HS1BP3: variants seen among roughly 807,000 people sequenced by gnomAD.
The protein encoded by HS1BP3 is HCLS1-binding protein 3.
In HS1BP3, 32 loss-of-function variants were observed where a neutral mutation model predicts 33.5. The ratio of observed to expected loss-of-function variants is 0.95; its 90% CI spans 0.72 to 1.28. The LOEUF (loss-of-function observed/expected upper bound fraction) is 1.28, where lower values mean the gene tolerates loss of function less well. HS1BP3 is among the 50% of genes most tolerant of loss of function. HS1BP3 has a pLI of 0.00. For missense variants in HS1BP3, 486 were observed against 502.3 expected, an observed-to-expected ratio of 0.97 and a Z score of 0.31; for synonymous variants, 187 against 209.2, an observed-to-expected ratio of 0.89 and a Z score of 0.92.
chr2:20,564,303 G>A (rs1462442859), intron 5 of HS1BP3, among the ~76,000 whole-genome samples: 6 of 152,196 alleles, frequency 3.9e-5, no homozygotes, highest in South Asian at 2.1e-4. Flanking sequence ...CTGTGACTCC[G>A]ACAGAGACTC....
intron 5 of HS1BP3, among the ~76,000 whole-genome samples, chr2:20,567,390 C>G (rs759942000): frequency 5.3e-5 from 8 of 152,206 alleles, no homozygotes; most frequent in Non-Finnish European, 1.2e-4. Context: ...GCCAGTCAGA[C>G]GCTGGGGAAT....
intron 5 of HS1BP3, among the ~76,000 whole-genome samples, chr2:20,587,375 G>A (rs1693706768): frequency 6.6e-6 from 1 of 152,148 alleles, no homozygotes; most frequent in African/African-American, 2.4e-5. Context: ...CATCAACCAC[G>A]CCCATCTGTG....
chr2:20,620,337 G>C (rs762744985), intron 6 of HS1BP3, among the ~76,000 whole-genome samples: 3 of 152,260 alleles, frequency 2.0e-5, no homozygotes, highest in Non-Finnish European at 4.4e-5. Context: ...GACTTGGCCT[G>C]CATGTGGCTG....
chr2:20,613,880 G>T (rs1694364074), downstream of HS1BP3, among the ~76,000 whole-genome samples: 1 of 152,230 alleles, frequency 6.6e-6, no homozygotes, highest in African/African-American at 2.4e-5. Flanking sequence ...GGTGGTAACT[G>T]TACTGGGTCG....
chr2:20,635,599 A>G (rs919301643), intron 4 of HS1BP3: 2 of 152,190 alleles, frequency 1.3e-5, no homozygotes, highest in Non-Finnish European at 2.9e-5. Context: ...GTAGAATGTC[A>G]ATTTTCTCAG....
At chr2:20,566,486 G>A (rs1418235826) in intron 5 of HS1BP3, among the ~76,000 whole-genome samples, 1 of 152,222 alleles carries the variant, frequency 6.6e-6, no homozygotes, top group African/African-American at 2.4e-5. Context: ...AGACAAGGAG[G>A]AGCAGGCATC....
At chr2:20,568,243 A>G (rs948383847) in intron 5 of HS1BP3, among the ~76,000 whole-genome samples, 4 of 152,160 alleles carry the variant, frequency 2.6e-5, no homozygotes, top group African/African-American at 9.7e-5. Flanking sequence ...GCAGTCTCAC[A>G]CGTGGTCAGG....
chr2:20,607,555 T>G (rs1034739599), intron 2 of HS1BP3, among the ~76,000 whole-genome samples: 2 of 152,248 alleles, frequency 1.3e-5, no homozygotes, highest in East Asian at 3.8e-4. Flanking sequence ...ATAAATCAAG[T>G]GCCACACGTG....
intron 4 of HS1BP3, among the ~76,000 whole-genome samples, chr2:20,627,904 C>T (rs1251019094): frequency 1.3e-5 from 2 of 152,070 alleles, no homozygotes; most frequent in South Asian, 2.1e-4. Context: ...TGAGAGGATG[C>T]GCGATGGATG....
chr2:20,606,675 G>A (rs767282402), intron 2 of HS1BP3: 18 of 384,124 alleles, frequency 4.7e-5, no homozygotes, highest in Non-Finnish European at 8.1e-5. Flanking sequence ...AGAGAGCAGC[G>A]GTGAACGCTA....
chr2:20,564,120 G>A (rs574146630), intron 5 of HS1BP3, among the ~76,000 whole-genome samples: 30 of 152,230 alleles, frequency 2.0e-4, no homozygotes, highest in Non-Finnish European at 3.8e-4. Flanking sequence ...GAGGCTCCTC[G>A]AAGGAGTGAA....
intron 4 of HS1BP3, among the ~76,000 whole-genome samples, chr2:20,633,213 G>C (rs1383605803): frequency 6.6e-6 from 1 of 152,180 alleles, no homozygotes; most frequent in Non-Finnish European, 1.5e-5. Context: ...ACATCCTGGG[G>C]GTTTCCAGCT....
chr2:20,559,035 G>A (rs1000488341), downstream of HS1BP3, among the ~76,000 whole-genome samples: 15 of 152,208 alleles, frequency 9.9e-5, no homozygotes, highest in Admixed American at 5.9e-4. Context: ...GACTCACATC[G>A]TGAGGAGCGT....
chr2:20,609,325 C>T (rs1457501573), intron 2 of HS1BP3, among the ~76,000 whole-genome samples: 1 of 152,218 alleles, frequency 6.6e-6, no homozygotes, highest in Admixed American at 6.5e-5. Context: ...ACCATGCACT[C>T]CCCAAGCCAA....
chr2:20,619,704 G>A (rs887319239), intron 6 of HS1BP3, among the ~76,000 whole-genome samples: 1 of 152,270 alleles, frequency 6.6e-6, no homozygotes, highest in African/African-American at 2.4e-5. Context: ...ACGCAGATGA[G>A]GACGCTGGAG....
intron 5 of HS1BP3, among the ~76,000 whole-genome samples, chr2:20,561,103 C>A (rs1207368048): frequency 2.0e-5 from 3 of 152,232 alleles, no homozygotes; most frequent in Non-Finnish European, 4.4e-5. Context: ...TCCAAACATG[C>A]CTGCCTCGTC....
chr2:20,555,149 C>T, the HS1BP3 span, among the ~76,000 whole-genome samples: 2 of 152,206 alleles, frequency 1.3e-5, no homozygotes, highest in Non-Finnish European at 2.9e-5. Context: ...GGTATCATCC[C>T]CACTTAATGT....
At chr2:20,629,208 C>G (rs1403061681) in intron 4 of HS1BP3, among the ~76,000 whole-genome samples, 1 of 152,164 alleles carries the variant, frequency 6.6e-6, no homozygotes, top group Non-Finnish European at 1.5e-5. Flanking sequence ...TCACCCTTCT[C>G]CTAGCACAAA....
intron 2 of HS1BP3, chr2:20,606,566 G>A: frequency 2.0e-6 from 1 of 487,892 alleles, no homozygotes; most frequent in Non-Finnish European, 4.1e-6. Context: ...CTTCTTTTTG[G>A]CCTTGTCCCC....
Sources: allele counts gnomAD v4.1 joint callset (sites outside exome capture counted in the v4.1 genomes callset), GRCh38; gene constraint gnomAD v4.1.1; transcripts MANE v1.5; gene names NCBI Gene and HGNC (gene_info 2026-07-23, HGNC 2026-07-21).